The following KIF1B variants were observed in gnomAD, a reference collection of about 807,000 sequenced individuals.
KIF1B encodes the protein kinesin family member 1B.
In KIF1B, 76 loss-of-function variants were observed where a neutral mutation model predicts 241.9. That is an observed-to-expected ratio of 0.31 (90% CI 0.26 to 0.38). The LOEUF (loss-of-function observed/expected upper bound fraction) is 0.38, where lower values mean the gene tolerates loss of function less well. KIF1B is among the 10% of genes least tolerant of loss of function. The probability of loss-of-function intolerance (pLI) is 1.00; values close to 1 mark genes in which losing one functional copy is unlikely to be tolerated. For synonymous variants in KIF1B, 750 were observed against 796.7 expected (o/e 0.94, Z 0.99); for missense variants, 1,622 against 2,271.4 (o/e 0.71, Z 5.81).
At chr1:10,236,817 AG>A (rs1266153441) in intron 2 of KIF1B, among the ~76,000 whole-genome samples, 2 of 151,676 alleles carry the variant, frequency 1.3e-5, no homozygotes, top group African/African-American at 4.9e-5. Flanking sequence ...TATTTTAGAA[AG>A]TATTATTGGC....
chr1:10,260,999 C>T (rs1319245005), intron 4 of KIF1B, among the ~76,000 whole-genome samples: 1 of 150,654 alleles, frequency 6.6e-6, no homozygotes, highest in Non-Finnish European at 1.5e-5. Flanking sequence ...CAGAGTCTTG[C>T]TTTGTCACCC....
At chr1:10,268,982 A>G (rs1299161238) in intron 7 of KIF1B, among the ~76,000 whole-genome samples, 1 of 152,206 alleles carries the variant, frequency 6.6e-6, no homozygotes, top group Admixed American at 6.5e-5. Context: ...GTAGCCACTC[A>G]ATAATGTTAA....
In KIF1B at chr1:10,337,301, G is replaced by A. The variant is rs557302311; in HGVS notation, c.3260-70G>A. On this transcript the variant is annotated intron_variant, in intron 30 of 48. Transcript: ENST00000676179. This position sits in a 1 kb window ranked among gnomAD's most constrained non-coding sequence, Gnocchi z 4.0. ...ATAGTGGCCTTCATCAACTAGGAAT[G>A]GAAAGCATGCCCAACTCCCTCCTCT... 14 of 1,612,630 alleles carry A rather than the reference G, an allele frequency of 8.7e-6. No homozygotes were observed. Among genetic ancestry groups the A allele is most frequent in the Middle Eastern group, 1.7e-4 (1 of 6,058 alleles).
chr1:10,262,459 C>A (rs1648205128), intron 5 of KIF1B, among the ~76,000 whole-genome samples: 1 of 152,172 alleles, frequency 6.6e-6, no homozygotes, highest in African/African-American at 2.4e-5. Context: ...ACAATTAAAT[C>A]TTTGTTCATA....
Position 10,374,478 on chromosome 1 carries a change from T to C in KIF1B, c.5096+13T>C. 1 of 1,614,108 alleles carries C rather than the reference T, an allele frequency of 6.2e-7. No homozygotes were observed. The highest frequency in any genetic ancestry group is 1.1e-5 in the South Asian group (1 of 91,082). The stretch of plus-strand genomic sequence containing the variant: ...AAATTAGACCAAGGTGAGTACTATA[T>C]TGAGCAGGAATGCCAGCTATAAAAA... On this transcript the variant is annotated intron_variant, in intron 46 of 48. Coordinates refer to ENST00000676179, the MANE Select transcript of KIF1B (RefSeq NM_001365951.3). The surrounding 1 kb of genome is among the most constrained non-coding windows in gnomAD (Gnocchi z 4.3).
Position 10,326,259 on chromosome 1 carries a change from G to A in KIF1B, c.2824G>A (p.Asp942Asn), listed in dbSNP as rs370647925. ...EDFDDEAFVD[D>N]AGSDAGTEEG... Reference sequence around the variant, plus strand: ...TTTTGATGATGAGGCATTCGTGGATGACGCCGGCTCTGACGCAGGGACGGA... The same window carrying A: ...TTTTGATGATGAGGCATTCGTGGATAACGCCGGCTCTGACGCAGGGACGGA... The change falls in exon 27 of 49, where the codon GAC becomes AAC. Residue 942 changes from aspartate (D) to asparagine (N), a missense_variant. By Grantham distance (23) the Asp-to-Asn change is conservative. This residue lies in a region of KIF1B where 803 missense variants were observed against 1,112.0 expected (regional missense o/e 0.72). Transcript: ENST00000676179. This position sits in a 1 kb window ranked among gnomAD's most constrained non-coding sequence, Gnocchi z 5.2. 3.1e-6 allele frequency: 5 copies of A among 1,614,084 alleles called. No individual in the cohort carries two copies. The African/African-American group carries it at 6.7e-5, about 22-fold the overall frequency.
At chr1:10,333,282 A>C (rs1364551064) in intron 27 of KIF1B, among the ~76,000 whole-genome samples, 1 of 151,464 alleles carries the variant, frequency 6.6e-6, no homozygotes, top group Non-Finnish European at 1.5e-5. Flanking sequence ...AGACAGGAGA[A>C]TCGCTTGAAC....
intron 1 of KIF1B, among the ~76,000 whole-genome samples, chr1:10,222,640 A>T (rs548631587): frequency 2.6e-5 from 4 of 152,332 alleles, no homozygotes; most frequent in Admixed American, 2.6e-4. Flanking sequence ...TTTGAGGGCA[A>T]GTGGGAATTC....
intron 6 of KIF1B, 83 bp from the exon 7 acceptor site, chr1:10,268,069 T>G: frequency 1.2e-6 from 1 of 854,808 alleles, no homozygotes; most frequent in South Asian, 1.4e-5. Context: ...GTGATTGTTA[T>G]GCTTATAATG....
chr1:10,363,827 C>A (rs1638491803), intron 41 of KIF1B, among the ~76,000 whole-genome samples: 1 of 152,160 alleles, frequency 6.6e-6, no homozygotes, highest in Non-Finnish European at 1.5e-5. Flanking sequence ...TGTTTGTAAA[C>A]CGAAACATGA....
intron 1 of KIF1B, among the ~76,000 whole-genome samples, chr1:10,223,035 C>T (rs376054687): frequency 2.0e-5 from 3 of 152,102 alleles, no homozygotes; most frequent in Admixed American, 6.6e-5. Context: ...AGGCGGGTCA[C>T]GAGGTCAGGA....
intron 1 of KIF1B, among the ~76,000 whole-genome samples, chr1:10,212,420 A>G (rs1646705129): frequency 6.6e-6 from 1 of 152,172 alleles, no homozygotes. Context: ...TCTGGAGATG[A>G]TCAATAACTG....
Position 10,367,335 on chromosome 1 carries a change from A to T in KIF1B, c.4753-1132A>T, listed in dbSNP as rs910262769. 2.0e-5 allele frequency among the ~76,000 whole-genome samples: 3 copies of T among 151,388 alleles called. No homozygotes were observed. In the South Asian group the frequency reaches 6.2e-4, roughly 31 times the overall value. On this transcript the variant is annotated intron_variant, in intron 43 of 48. Coordinates refer to ENST00000676179, the MANE Select transcript of KIF1B (RefSeq NM_001365951.3). ...GGTCTTGAACTCCTGACCTCAGGTG[A>T]TCCACCCGCCTCAGCCTCCCAAAGT...
intron 2 of KIF1B, among the ~76,000 whole-genome samples, chr1:10,240,721 A>ATT (rs34449939): frequency 0.018 from 1,987 of 110,032 alleles, 89 homozygotes; most frequent in African/African-American, 0.063. Context: ...TGGGTAGTTC[A>ATT]TTTTTTTTTT....
At chr1:10,259,071 A>G (rs1312351956) in intron 4 of KIF1B, among the ~76,000 whole-genome samples, 1 of 151,614 alleles carries the variant, frequency 6.6e-6, no homozygotes, top group East Asian at 1.9e-4. Context: ...TTTTTTTGAT[A>G]GCCTTATTCG....
Position 10,365,402 on chromosome 1 carries a change from T to C in KIF1B, c.4513-7T>C, listed in dbSNP as rs1340766891. The C allele has an allele frequency of 6.2e-7, 1 of 1,614,176 alleles. No individual in the cohort carries two copies. The highest frequency in any genetic ancestry group is 2.2e-5 in the East Asian group (1 of 44,886). ...GTTTGCTATAGCAGTAGTATTGATC[T>C]TCTCAGGTGGAAAAAACCCGCCACT... On this transcript the variant is annotated splice_region_variant and splice_polypyrimidine_tract_variant and intron_variant, in intron 42 of 48. Transcript: ENST00000676179. The surrounding 1 kb of genome is among the most constrained non-coding windows in gnomAD (Gnocchi z 4.0).
intron 5 of KIF1B, among the ~76,000 whole-genome samples, chr1:10,264,054 C>G (rs915726234): frequency 2.0e-5 from 3 of 152,130 alleles, no homozygotes; most frequent in African/African-American, 7.2e-5. Context: ...ATCACACACT[C>G]TCAGTGAGGC....
intron 3 of KIF1B, among the ~76,000 whole-genome samples, chr1:10,257,541 A>G (rs1172164475): frequency 6.6e-6 from 1 of 152,054 alleles, no homozygotes; most frequent in Non-Finnish European, 1.5e-5. Context: ...TATTACGAAA[A>G]TGCAGAGTAG....
At chr1:10,373,328 G>A (rs1197542220) in intron 45 of KIF1B, among the ~76,000 whole-genome samples, 4 of 146,442 alleles carry the variant, frequency 2.7e-5, no homozygotes, top group Middle Eastern at 3.6e-3. Flanking sequence ...TCTGCCTCCC[G>A]GGTTCAAGTA....
Sources: allele counts gnomAD v4.1 joint callset (sites outside exome capture counted in the v4.1 genomes callset), GRCh38; gene constraint gnomAD v4.1.1; regional missense constraint gnomAD v4.1.1; non-coding constraint Gnocchi (gnomAD v3.1); transcripts MANE v1.5; gene names NCBI Gene and HGNC (gene_info 2026-07-23, HGNC 2026-07-21).